Variants in RTTN observed in about 807,000 individuals in gnomAD.
RTTN encodes the protein rotatin.
In RTTN, 182 loss-of-function variants were observed where a neutral mutation model predicts 269.2. The ratio of observed to expected loss-of-function variants is 0.68; its 90% CI spans 0.60 to 0.76. The LOEUF is 0.76. Ranked by LOEUF, RTTN falls within the 30% of genes least tolerant of loss-of-function variation. RTTN has a pLI of 0.00. For synonymous variants in RTTN, 1,006 were observed against 963.5 expected (o/e 1.04, Z -0.82); for missense variants, 2,545 against 2,608.6 (o/e 0.98, Z 0.53).
At chr18:70,101,908 G>A (rs532737565) in intron 28 of RTTN, among the ~76,000 whole-genome samples, 5 of 152,290 alleles carry the variant, frequency 3.3e-5, no homozygotes, top group African/African-American at 1.2e-4. Flanking sequence ...TCTTAATCCT[G>A]AGTTCCAGTT....
intron 40 of RTTN, among the ~76,000 whole-genome samples, chr18:70,046,911 G>C (rs1318599595): frequency 6.6e-6 from 1 of 152,178 alleles, no homozygotes; most frequent in African/African-American, 2.4e-5. Context: ...ACAGCTCCTG[G>C]GTGAACCAGG....
At chr18:70,063,315 G>A (rs2058043200) in intron 35 of RTTN, among the ~76,000 whole-genome samples, 1 of 152,202 alleles carries the variant, frequency 6.6e-6, no homozygotes, top group Non-Finnish European at 1.5e-5. Context: ...TCTTCGGGTA[G>A]TATTAATTTG....
At chr18:70,080,240 A>G (rs1568344787) in intron 32 of RTTN, among the ~76,000 whole-genome samples, 1 of 152,154 alleles carries the variant, frequency 6.6e-6, no homozygotes. Context: ...CACAGGACAT[A>G]GAAGCAATGA....
chr18:70,120,842 G>A (rs368040488), intron 26 of RTTN, among the ~76,000 whole-genome samples: 3 of 152,176 alleles, frequency 2.0e-5, no homozygotes, highest in South Asian at 4.2e-4. Context: ...CCTGAGGTCC[G>A]GAGTTCAAGA....
rs531865202 is a variant in RTTN, at chr18:70,055,909, G to A, written c.5032-1625C>T. ...AGCAGAGTATCACCCCACCAGCAGG[G>A]CTCTGGCCACCCCATCTGCCGCAGG... On this transcript the variant is annotated intron_variant, in intron 37 of 48. Transcript: ENST00000640769. Among the ~76,000 whole-genome samples, 12 of 152,136 alleles carry A rather than the reference G, an allele frequency of 7.9e-5. No individual in the cohort carries two copies. In the South Asian group the frequency reaches 2.3e-3, roughly 29 times the overall value.
chr18:70,146,917 T>C (rs780141066), intron 17 of RTTN, among the ~76,000 whole-genome samples: 4 of 152,224 alleles, frequency 2.6e-5, no homozygotes, highest in Non-Finnish European at 5.9e-5. Flanking sequence ...CTCCATTTCC[T>C]GAGTTACCTC....
At chr18:70,024,585 T>C (rs1486763350) in intron 44 of RTTN, 137 bp downstream of exon 44, 2 of 738,680 alleles carry the variant, frequency 2.7e-6, no homozygotes, top group African/African-American at 1.8e-5. Flanking sequence ...ACGAGAAAGC[T>C]TGCCTTTGCC....
chr18:70,155,114 G>A (rs2145828109), intron 14 of RTTN, among the ~76,000 whole-genome samples: 1 of 152,206 alleles, frequency 6.6e-6, no homozygotes, highest in African/African-American at 2.4e-5. Context: ...CTTTTAATTA[G>A]CTACTTGCTA....
chr18:70,011,801 G>A (rs985112561), intron 46 of RTTN, among the ~76,000 whole-genome samples: 2 of 152,234 alleles, frequency 1.3e-5, no homozygotes, highest in Non-Finnish European at 2.9e-5. Context: ...GGCAGGGTCT[G>A]TGAGTGTAGC....
At chr18:70,114,679 A>T (rs906807826) in intron 26 of RTTN, 80 bp from the exon 27 acceptor site, 1 of 1,263,238 alleles carries the variant, frequency 7.9e-7, no homozygotes, top group African/African-American at 1.5e-5. Context: ...GTTGCTAAGC[A>T]AGTTCTAGTA....
chr18:70,084,335 C>T (rs772293694), intron 32 of RTTN, among the ~76,000 whole-genome samples: 21 of 152,128 alleles, frequency 1.4e-4, no homozygotes, highest in Non-Finnish European at 2.2e-4. Flanking sequence ...GAAAGGGACA[C>T]TAAAATAAGT....
rs375510822 is a variant in RTTN at position 70,109,696 on chromosome 18, G to T, written c.3705C>A (p.Tyr1235Ter). 7 of 1,613,876 alleles carry T rather than the reference G, an allele frequency of 4.3e-6. No individual in the cohort carries two copies. Among genetic ancestry groups the T allele is most frequent in the Non-Finnish European group, 5.9e-6 (7 of 1,179,982 alleles). The change falls in exon 28 of 49, where the codon TAC (tyrosine) becomes TAA (stop). Residue 1235 changes from tyrosine to a stop codon, truncating the protein, a stop_gained. Transcript: ENST00000640769. LOFTEE classifies it high-confidence loss of function. ...VTDRKCSELL[Y>*]VFQTQLALKL... is the part of the protein sequence containing the mutation. ...TCAGAGCCAGCTGCGTTTGAAAAACGTAAAGAAGTTCCGAGCATTTCCTAT... is the reference window on the plus strand; with the variant it reads ...TCAGAGCCAGCTGCGTTTGAAAAACTTAAAGAAGTTCCGAGCATTTCCTAT...
intron 40 of RTTN, among the ~76,000 whole-genome samples, chr18:70,041,044 G>A (rs1193570340): frequency 6.6e-6 from 1 of 151,432 alleles, no homozygotes; most frequent in African/African-American, 2.4e-5. Context: ...ACAAACATGC[G>A]AAAAATATAA....
intron 47 of RTTN, 72 bp from the exon 48 acceptor site, chr18:70,005,339 A>G: frequency 1.0e-6 from 1 of 979,124 alleles, no homozygotes; most frequent in South Asian, 1.4e-5. Flanking sequence ...AATTCTGCCC[A>G]TTGCTAACTA....
intron 13 of RTTN, 116 bp from the exon 14 acceptor site, chr18:70,166,304 A>C: frequency 2.0e-6 from 2 of 1,001,584 alleles, no homozygotes; most frequent in African/African-American, 3.3e-5. Flanking sequence ...CTGAGATCTT[A>C]TTAAAAATAA....
At chr18:70,128,677 AT>A (rs2059926735) in intron 23 of RTTN, 131 bp from the exon 24 acceptor site, 1 of 650,282 alleles carries the variant, frequency 1.5e-6, no homozygotes, top group Non-Finnish European at 2.7e-6. Flanking sequence ...CTTAGTCCCT[AT>A]TTTAAACAAT....
intron 4 of RTTN, among the ~76,000 whole-genome samples, chr18:70,200,846 A>T (rs1484937469): frequency 6.6e-6 from 1 of 152,240 alleles, no homozygotes; most frequent in African/African-American, 2.4e-5. Flanking sequence ...TGTGGTCACT[A>T]ATAATACCAA....
intron 10 of RTTN, among the ~76,000 whole-genome samples, chr18:70,185,373 C>G (rs2061522662): frequency 6.6e-6 from 1 of 152,078 alleles, no homozygotes; most frequent in Non-Finnish European, 1.5e-5. Flanking sequence ...AGTTTTTCTG[C>G]TCTTCAAAAA....
intron 28 of RTTN, among the ~76,000 whole-genome samples, chr18:70,097,339 T>C (rs2059028865): frequency 6.6e-6 from 1 of 152,228 alleles, no homozygotes; most frequent in African/African-American, 2.4e-5. Context: ...GCAAATCATT[T>C]GGACCAACAA....
Sources: gnomAD v4.1 joint callset for allele counts (sites outside exome capture counted in the v4.1 genomes callset) on GRCh38, gnomAD v4.1.1 for gene constraint, MANE v1.5 for transcripts, NCBI Gene and HGNC (gene_info 2026-07-23, HGNC 2026-07-21) for gene names.